The following WIF1 variants were observed in gnomAD, a reference collection of about 807,000 sequenced individuals.
The protein encoded by WIF1 is Wnt inhibitory factor 1.
WIF1 carries 35 observed loss-of-function variants against 53.5 expected under a neutral mutation model. The ratio of observed to expected loss-of-function variants is 0.65; its 90% confidence interval spans 0.50 to 0.87. The LOEUF (loss-of-function observed/expected upper bound fraction) is 0.87, where lower values mean the gene tolerates loss of function less well. WIF1 is among the 40% of genes least tolerant of loss of function. The pLI is 0.00. For missense variants in WIF1, 467 were observed against 476.8 expected (o/e 0.98, Z 0.19); for synonymous variants, 171 against 170.4 (o/e 1.00, Z -0.03).
At chr12:65,093,726 G>A (rs1239562010) in intron 2 of WIF1, among the ~76,000 whole-genome samples, 1 of 152,080 alleles carries the variant, frequency 6.6e-6, no homozygotes, top group Non-Finnish European at 1.5e-5. Flanking sequence ...AGTGATGACT[G>A]TTGATCTGAT....
At chr12:65,066,428 C>G (rs1882687690) in intron 6 of WIF1, among the ~76,000 whole-genome samples, 1 of 152,044 alleles carries the variant, frequency 6.6e-6, no homozygotes, top group Non-Finnish European at 1.5e-5. Context: ...GCCCACTGAC[C>G]AGGCAAAATG....
At chr12:65,090,496 G>A (rs1883106257) in intron 2 of WIF1, among the ~76,000 whole-genome samples, 1 of 152,112 alleles carries the variant, frequency 6.6e-6, no homozygotes, top group South Asian at 2.1e-4. Context: ...AAAAAATCGA[G>A]ACTGTGATAA....
intron 9 of WIF1, among the ~76,000 whole-genome samples, chr12:65,051,703 T>C (rs1449480966): frequency 1.3e-5 from 2 of 152,144 alleles, no homozygotes; most frequent in Non-Finnish European, 1.5e-5. Flanking sequence ...ATTCTGGCCA[T>C]GCAGAAACTC....
intron 9 of WIF1, among the ~76,000 whole-genome samples, chr12:65,054,801 CT>C (rs1464122126): frequency 6.6e-6 from 1 of 152,164 alleles, no homozygotes; most frequent in East Asian, 1.9e-4. Flanking sequence ...TATATTACCC[CT>C]AGATCAACCT....
chr12:65,092,575 G>T, intron 2 of WIF1, among the ~76,000 whole-genome samples: 1 of 151,792 alleles, frequency 6.6e-6, no homozygotes, highest in Non-Finnish European at 1.5e-5. Flanking sequence ...AGACTGCTGG[G>T]CTGGGATGTT....
chr12:65,064,131 C>A (rs916156238), intron 6 of WIF1, among the ~76,000 whole-genome samples: 1 of 152,190 alleles, frequency 6.6e-6, no homozygotes, highest in Non-Finnish European at 1.5e-5. Context: ...GATCAGTGCC[C>A]TGGAAAACTT....
At chr12:65,114,581 A>G (rs568442059) in intron 2 of WIF1, among the ~76,000 whole-genome samples, 15 of 151,722 alleles carry the variant, frequency 9.9e-5, no homozygotes, top group Admixed American at 1.3e-4. Flanking sequence ...TAATTCAAGA[A>G]GTTTTTTTAA....
At chr12:65,120,986 T>G in intron 1 of WIF1, 58 bp downstream of exon 1, 2 of 1,378,964 alleles carry the variant, frequency 1.5e-6, no homozygotes, top group Non-Finnish European at 1.9e-6. Flanking sequence ...CCCTCTTTCT[T>G]GAAGAGTGGA....
At chr12:65,099,855 T>C (rs1883254441) in intron 2 of WIF1, among the ~76,000 whole-genome samples, 1 of 152,202 alleles carries the variant, frequency 6.6e-6, no homozygotes, top group African/African-American at 2.4e-5. Flanking sequence ...GTAATGTCAA[T>C]AACTCTTTAA....
chr12:65,060,160 A>C (rs1882590485), intron 7 of WIF1, among the ~76,000 whole-genome samples: 1 of 152,212 alleles, frequency 6.6e-6, no homozygotes, highest in South Asian at 2.1e-4. Flanking sequence ...TCCTCAAAAA[A>C]GTTGTCACCA....
chr12:65,120,937 T>C, intron 1 of WIF1, 107 bp downstream of exon 1: 1 of 1,313,502 alleles, frequency 7.6e-7, no homozygotes, highest in East Asian at 2.9e-5. Context: ...AACACTCTTT[T>C]GTGGAAATTA....
At chr12:65,115,663 G>T (rs887702464) in intron 2 of WIF1, among the ~76,000 whole-genome samples, 1 of 152,116 alleles carries the variant, frequency 6.6e-6, no homozygotes, top group South Asian at 2.1e-4. Flanking sequence ...ATCCATTAAG[G>T]CTAAGCTTTT....
intron 2 of WIF1, among the ~76,000 whole-genome samples, chr12:65,109,791 T>C (rs914924735): frequency 6.6e-6 from 1 of 152,190 alleles, no homozygotes; most frequent in Non-Finnish European, 1.5e-5. Context: ...CGTCTACAAA[T>C]TGGGGAGAAT....
intron 2 of WIF1, among the ~76,000 whole-genome samples, chr12:65,092,725 T>A (rs1883144863): frequency 1.3e-5 from 2 of 151,964 alleles, no homozygotes; most frequent in Non-Finnish European, 2.9e-5. Flanking sequence ...CCAGTGTGGC[T>A]GTATCAGAGT....
chr12:65,060,200 A>T (rs1438002826), intron 7 of WIF1, among the ~76,000 whole-genome samples: 1 of 152,200 alleles, frequency 6.6e-6, no homozygotes, highest in African/African-American at 2.4e-5. Context: ...CCCCAGGTAA[A>T]TATTCTGAAG....
intron 3 of WIF1, among the ~76,000 whole-genome samples, chr12:65,076,284 C>A (rs7308550): frequency 0.45 from 67,846 of 151,780 alleles, 18,052 homozygotes; most frequent in East Asian, 0.69. Flanking sequence ...GAATCCTCCC[C>A]CCTCGGCCCC....
chr12:65,050,920 C>T lies in WIF1; in HGVS notation c.*429G>A, dbSNP rs964181775. 9 of 225,366 alleles carry T rather than the reference C, an allele frequency of 4.0e-5. No individual in the cohort carries two copies. Among genetic ancestry groups the T allele is most frequent in the African/African-American group, 1.8e-4 (8 of 44,810 alleles). 14.0% of individuals were successfully genotyped at this position (225,366 alleles called of 1,614,324 possible). ...CAATTTTTAAAAATGTAACAAACATCTAAATATCTGACAATAAAATCTGAA... is the reference window on the plus strand; with the variant it reads ...CAATTTTTAAAAATGTAACAAACATTTAAATATCTGACAATAAAATCTGAA... On this transcript the variant is annotated 3_prime_UTR_variant, in exon 10 of 10. Coordinates refer to ENST00000286574, the MANE Select transcript of WIF1 (RefSeq NM_007191.5).
chr12:65,057,858 C>T (rs1481951973), intron 7 of WIF1, among the ~76,000 whole-genome samples: 1 of 152,104 alleles, frequency 6.6e-6, no homozygotes, highest in Non-Finnish European at 1.5e-5. Flanking sequence ...CTACTAAAAA[C>T]ACTTCATCTT....
At chr12:65,064,799 G>C (rs1405096223) in intron 6 of WIF1, among the ~76,000 whole-genome samples, 1 of 152,178 alleles carries the variant, frequency 6.6e-6, no homozygotes, top group Non-Finnish European at 1.5e-5. Context: ...CGTAGCACTA[G>C]AAAAACACTG....
Sources: gnomAD v4.1 joint callset for allele counts (sites outside exome capture counted in the v4.1 genomes callset) on GRCh38, gnomAD v4.1.1 for gene constraint, MANE v1.5 for transcripts, NCBI Gene and HGNC (gene_info 2026-07-23, HGNC 2026-07-21) for gene names.